Variants in C9orf85 observed in about 807,000 individuals in gnomAD.
C9orf85 encodes the protein chromosome 9 open reading frame 85.
A neutral mutation model predicts 14.9 loss-of-function variants in C9orf85; 16 were observed. The observed-to-expected ratio is 1.08, with a 90% confidence interval of 0.73 to 1.63. The LOEUF (loss-of-function observed/expected upper bound fraction) is 1.63. Ranked by LOEUF, C9orf85 falls within the 40% of genes most tolerant of loss-of-function variation. The pLI is 0.00. For missense variants in C9orf85, 172 were observed against 186.1 expected (o/e 0.92, Z 0.44); for synonymous variants, 45 against 56.8 (o/e 0.79, Z 0.93).
intron 1 of C9orf85, among the ~76,000 whole-genome samples, chr9:71,931,061 T>C (rs1049627822): frequency 6.5e-4 from 99 of 152,150 alleles, no homozygotes; most frequent in African/African-American, 2.2e-3. Flanking sequence ...GATGTAAACT[T>C]TATTTTTTCT....
intron 2 of C9orf85, among the ~76,000 whole-genome samples, chr9:71,959,875 AT>A (rs1822470921): frequency 6.6e-6 from 1 of 152,220 alleles, no homozygotes; most frequent in African/African-American, 2.4e-5. Flanking sequence ...CAAAAGCAAG[AT>A]TGTTAAAGAT....
chr9:71,946,234 C>T (rs1000645838), intron 1 of C9orf85, among the ~76,000 whole-genome samples: 1 of 152,114 alleles, frequency 6.6e-6, no homozygotes, highest in Admixed American at 6.6e-5. Flanking sequence ...GCTGCTTCTC[C>T]CTGGCACCCC....
chr9:71,962,359 TATG>T (rs147987994), intron 2 of C9orf85, among the ~76,000 whole-genome samples: 1 of 152,346 alleles, frequency 6.6e-6, no homozygotes, highest in African/African-American at 2.4e-5. Context: ...CTAAGTAGCA[TATG>T]ATGTTATCCC....
intron 2 of C9orf85, among the ~76,000 whole-genome samples, chr9:71,960,999 G>C (rs1822502897): frequency 6.9e-6 from 1 of 144,224 alleles, no homozygotes; most frequent in Non-Finnish European, 1.5e-5. Flanking sequence ...CACAACTTCT[G>C]CCTCCCGGGA....
intron 1 of C9orf85, among the ~76,000 whole-genome samples, chr9:71,933,056 G>C (rs1359582950): frequency 6.6e-6 from 1 of 152,264 alleles, no homozygotes; most frequent in South Asian, 2.1e-4. Flanking sequence ...TAGGACAATG[G>C]AAATTGTCAA....
intron 1 of C9orf85, among the ~76,000 whole-genome samples, chr9:71,938,292 A>C (rs1324523263): frequency 6.6e-6 from 1 of 152,052 alleles, no homozygotes; most frequent in Non-Finnish European, 1.5e-5. Flanking sequence ...CTATTCTTTT[A>C]AAAAATCTTA....
intron 1 of C9orf85, among the ~76,000 whole-genome samples, chr9:71,936,559 T>C (rs1828197171): frequency 2.0e-5 from 3 of 152,002 alleles, no homozygotes; most frequent in Admixed American, 2.0e-4. Context: ...GCTGCAACAA[T>C]ATAGCTATTT....
intron 1 of C9orf85, among the ~76,000 whole-genome samples, chr9:71,915,764 T>A (rs1297274552): frequency 6.6e-6 from 1 of 152,208 alleles, no homozygotes; most frequent in Non-Finnish European, 1.5e-5. Flanking sequence ...AAAATACATC[T>A]TTGCCCTTCT....
intron 1 of C9orf85, among the ~76,000 whole-genome samples, chr9:71,917,553 A>G (rs1440649566): frequency 6.6e-6 from 1 of 152,228 alleles, no homozygotes; most frequent in Non-Finnish European, 1.5e-5. Flanking sequence ...ACCTCCAAAT[A>G]TCTATCAACG....
chr9:71,980,234 G>A (rs1234618416), intron 3 of C9orf85, among the ~76,000 whole-genome samples: 2 of 152,084 alleles, frequency 1.3e-5, no homozygotes, highest in Non-Finnish European at 2.9e-5. Context: ...GGCTGGTCTC[G>A]AACTCCTGAC....
At chr9:71,943,691 C>T (rs138756577) in intron 1 of C9orf85, among the ~76,000 whole-genome samples, 4 of 151,812 alleles carry the variant, frequency 2.6e-5, no homozygotes, top group Non-Finnish European at 5.9e-5. Context: ...TACAGGCATG[C>T]GCCAGCACCC....
At chr9:71,949,819 A>G (rs1403585570) in intron 2 of C9orf85, among the ~76,000 whole-genome samples, 1 of 152,126 alleles carries the variant, frequency 6.6e-6, no homozygotes, top group Non-Finnish European at 1.5e-5. Context: ...GTTCATTCAG[A>G]TTCCTCTTAC....
chr9:71,981,314 T>C (rs1823091095), intron 3 of C9orf85, among the ~76,000 whole-genome samples: 1 of 152,234 alleles, frequency 6.6e-6, no homozygotes, highest in Non-Finnish European at 1.5e-5. Context: ...TCTTTTTCTA[T>C]GATCCACTTG....
intron 2 of C9orf85, among the ~76,000 whole-genome samples, chr9:71,952,506 A>G (rs1256841239): frequency 6.6e-6 from 1 of 152,162 alleles, no homozygotes. Flanking sequence ...CTGGGACTAC[A>G]GACGCCCACC....
intron 1 of C9orf85, among the ~76,000 whole-genome samples, chr9:71,921,928 T>TTTTA (rs1554705991): frequency 7.0e-5 from 8 of 113,824 alleles, no homozygotes; most frequent in African/African-American, 2.4e-4. Flanking sequence ...TTATTTTTTT[T>TTTTA]TTATTATTAT....
intron 1 of C9orf85, among the ~76,000 whole-genome samples, chr9:71,940,648 G>A (rs946526954): frequency 5.9e-5 from 9 of 152,100 alleles, no homozygotes; most frequent in African/African-American, 1.9e-4. Context: ...ATGCAAAATG[G>A]TACAGCAACA....
At chr9:71,961,838 A>AT (rs1050991119) in intron 2 of C9orf85, among the ~76,000 whole-genome samples, 17 of 152,104 alleles carry the variant, frequency 1.1e-4, no homozygotes, top group Admixed American at 2.0e-4. Context: ...AATAATTTTT[A>AT]TTTTTTATTT....
intron 1 of C9orf85, among the ~76,000 whole-genome samples, chr9:71,943,267 T>A (rs373483706): frequency 6.6e-6 from 1 of 151,584 alleles, no homozygotes; most frequent in Non-Finnish European, 1.5e-5. Flanking sequence ...TTGTTTGTTT[T>A]TTGTTTTCAG....
At chr9:71,934,650 C>T (rs1364961044) in intron 1 of C9orf85, among the ~76,000 whole-genome samples, 1 of 152,134 alleles carries the variant, frequency 6.6e-6, no homozygotes, top group East Asian at 1.9e-4. Flanking sequence ...AGGTGGATCA[C>T]TTGAGCCCAG....
Sources: gnomAD v4.1 joint callset for allele counts (sites outside exome capture counted in the v4.1 genomes callset) on GRCh38, gnomAD v4.1.1 for gene constraint, MANE v1.5 for transcripts, NCBI Gene and HGNC (gene_info 2026-07-23, HGNC 2026-07-21) for gene names.